Variants in SHPK observed in about 807,000 individuals in gnomAD.
The protein encoded by SHPK is carbohydrate kinase-like protein.
SHPK carries 51 observed loss-of-function variants against 46.3 expected under a neutral mutation model. The ratio of observed to expected loss-of-function variants is 1.10; its 90% CI spans 0.88 to 1.39. The LOEUF is 1.39. SHPK is among the 40% of genes most tolerant of loss of function. The probability of loss-of-function intolerance (pLI) is 0.00; values close to 1 mark genes in which losing one functional copy is unlikely to be tolerated. For synonymous variants in SHPK, 290 were observed against 273.9 expected, an observed-to-expected ratio of 1.06 and a Z score of -0.58; for missense variants, 668 against 641.3, an observed-to-expected ratio of 1.04 and a Z score of -0.45.
chr17:3,616,942 T>A, intron 5 of SHPK, among the ~76,000 whole-genome samples: 1 of 152,126 alleles, frequency 6.6e-6, no homozygotes, highest in East Asian at 1.9e-4. Context: ...TTTCACCATG[T>A]TGGCCAGGCT....
At chr17:3,612,883 C>G (rs1341779776) in intron 6 of SHPK, among the ~76,000 whole-genome samples, 1 of 151,954 alleles carries the variant, frequency 6.6e-6, no homozygotes, top group African/African-American at 2.4e-5. Flanking sequence ...TCCCGAGTAG[C>G]TGGGACTACA....
At chr17:3,622,181 A>C (rs2075407427) in intron 4 of SHPK, among the ~76,000 whole-genome samples, 3 of 152,216 alleles carry the variant, frequency 2.0e-5, no homozygotes, top group South Asian at 4.1e-4. Context: ...GCTATAGGAC[A>C]CACATGGCCG....
At chr17:3,635,471 G>A (rs1597583738) in intron 1 of SHPK, among the ~76,000 whole-genome samples, 1 of 152,130 alleles carries the variant, frequency 6.6e-6, no homozygotes, top group African/African-American at 2.4e-5. Flanking sequence ...TCCTGACCTC[G>A]TGATCCGCCC....
At chr17:3,631,511 G>GGTTTT (rs2075471589) in intron 1 of SHPK, among the ~76,000 whole-genome samples, 1 of 38,276 alleles carries the variant, frequency 2.6e-5, no homozygotes, top group Non-Finnish European at 4.7e-5. Context: ...CTAATTTAAT[G>GGTTTT]CTTTTTTTTT....
At chr17:3,622,732 T>A in intron 4 of SHPK, 1 of 249,438 alleles carries the variant, frequency 4.0e-6, no homozygotes. Flanking sequence ...GAGACAAGAG[T>A]CTCGCTCTGT....
intron 1 of SHPK, among the ~76,000 whole-genome samples, chr17:3,632,158 T>C: frequency 6.6e-6 from 1 of 151,752 alleles, no homozygotes; most frequent in East Asian, 1.9e-4. Flanking sequence ...GGTTTCACCA[T>C]GTTGGCCAGG....
chr17:3,624,292 C>G, intron 2 of SHPK, 61 bp from the exon 3 acceptor site: 1 of 1,467,212 alleles, frequency 6.8e-7, no homozygotes, highest in Non-Finnish European at 9.4e-7. Flanking sequence ...ATGGCGCGGC[C>G]TTGATACTAC....
Position 3,610,810 on chromosome 17 carries a change from C to A in SHPK, c.1187G>T (p.Gly396Val), listed in dbSNP as rs1472013265. 3 of 1,614,160 alleles carry A rather than the reference C, an allele frequency of 1.9e-6. No individual in the cohort carries two copies. The Admixed American group carries it at 5.0e-5, about 27-fold the overall frequency. Reference protein sequence around the residue: ...TRISSSDLSLGHVTRALCRGI... With the variant: ...TRISSSDLSLVHVTRALCRGI... ...TCGGCACAGAGCCCGGGTCACGTGC[C>A]CCAGGGAGAGGTCGGAGGAGGAGAT... Residue 396 changes from glycine to valine, a missense_variant, in exon 7 of 7, where the codon GGG becomes GTG. Transcript: ENST00000225519.
rs1017607312 is a variant in SHPK, at chr17:3,616,194, G to A, written c.824-657C>T. Among the ~76,000 whole-genome samples, 5 of 152,206 alleles carry A rather than the reference G, an allele frequency of 3.3e-5. No homozygotes were observed. The South Asian group carries it at 8.3e-4, about 25-fold the overall frequency. On this transcript the variant is annotated intron_variant, in intron 5 of 6. Transcript: ENST00000225519. Reference sequence around the variant, plus strand: ...GAGGTAGAACCTGATTCCCCTCCACGTGAGAGTGGGCTGGACTTAGTGACT... The same window carrying A: ...GAGGTAGAACCTGATTCCCCTCCACATGAGAGTGGGCTGGACTTAGTGACT...
chr17:3,620,774 TG>T (rs2075395763), intron 5 of SHPK, among the ~76,000 whole-genome samples: 1 of 151,664 alleles, frequency 6.6e-6, no homozygotes, highest in Admixed American at 6.6e-5. Context: ...TTGGCCAGGC[TG>T]GTCTTGAACT....
intron 2 of SHPK, among the ~76,000 whole-genome samples, chr17:3,625,514 A>G (rs1296231978): frequency 6.6e-6 from 1 of 152,168 alleles, no homozygotes; most frequent in African/African-American, 2.4e-5. Flanking sequence ...GACCGTTTCC[A>G]GGTGAGCCCA....
chr17:3,625,450 C>G (rs147217306), intron 2 of SHPK, among the ~76,000 whole-genome samples: 1 of 152,154 alleles, frequency 6.6e-6, no homozygotes, highest in South Asian at 2.1e-4. Flanking sequence ...GTAAGAAGTG[C>G]GACTACGCCG....
At chr17:3,621,200 A>G in intron 5 of SHPK, 37 bp downstream of exon 5, 1 of 1,530,414 alleles carries the variant, frequency 6.5e-7, no homozygotes, top group Non-Finnish European at 8.8e-7. Flanking sequence ...GGCAGGCGAC[A>G]GTGTAAGTCT....
chr17:3,626,991 G>A (rs1597576418), intron 2 of SHPK, among the ~76,000 whole-genome samples: 1 of 152,304 alleles, frequency 6.6e-6, no homozygotes, highest in East Asian at 1.9e-4. Context: ...TCCAATGGGT[G>A]GAAAATGATG....
chr17:3,619,442 T>C, intron 5 of SHPK: 2 of 1,466,530 alleles, frequency 1.4e-6, no homozygotes, highest in East Asian at 2.3e-5. Flanking sequence ...GATTAAAAAT[T>C]TGGACGGAGA....
At chr17:3,627,443 G>A (rs1294179864) in intron 2 of SHPK, among the ~76,000 whole-genome samples, 1 of 151,904 alleles carries the variant, frequency 6.6e-6, no homozygotes, top group East Asian at 1.9e-4. Flanking sequence ...GAAGGTAGAG[G>A]CTGCATTCCT....
intron 6 of SHPK, 25 bp from the exon 7 acceptor site, chr17:3,610,997 G>A: frequency 6.3e-7 from 1 of 1,577,104 alleles, no homozygotes; most frequent in Non-Finnish European, 8.6e-7. Flanking sequence ...GAAGATCTGT[G>A]TAAGCTCATG....
chr17:3,627,990 G>T (rs1250974100), intron 2 of SHPK, among the ~76,000 whole-genome samples: 2 of 151,930 alleles, frequency 1.3e-5, no homozygotes, highest in East Asian at 3.9e-4. Flanking sequence ...ACAGGAGGGA[G>T]GAAGGGGAGG....
In SHPK at chr17:3,630,262, C is replaced by A; in HGVS notation, c.253G>T (p.Val85Leu). ...ATCTGGCCCGACACCCCGATGCCCA[C>A]GACGCTCCGGAGCTGGGGTCGGGGA... ...ALPRPQLRSV[V>L]GIGVSGQMHG... The change falls in exon 2 of 7, where the codon GTG becomes TTG. Residue 85 changes from valine to leucine, a missense_variant. By Grantham distance (32) the Val-to-Leu change is conservative. Coordinates refer to ENST00000225519, the MANE Select transcript of SHPK (RefSeq NM_013276.4). 6.2e-7 allele frequency: 1 copy of A among 1,613,786 alleles called. No individual in the cohort carries two copies. The highest frequency in any genetic ancestry group is 1.1e-5 in the South Asian group (1 of 91,082).
Sources: allele counts gnomAD v4.1 joint callset (sites outside exome capture counted in the v4.1 genomes callset), GRCh38; gene constraint gnomAD v4.1.1; transcripts MANE v1.5; gene names NCBI Gene and HGNC (gene_info 2026-07-23, HGNC 2026-07-21).